The following TNFAIP8 variants were observed in gnomAD, a reference collection of about 807,000 sequenced individuals.
The protein encoded by TNFAIP8 is TNF alpha induced protein 8.
A neutral mutation model predicts 13.3 loss-of-function variants in TNFAIP8; 7 were observed. The ratio of observed to expected loss-of-function variants is 0.52; its 90% confidence interval spans 0.30 to 0.99. TNFAIP8 has a LOEUF of 0.99. Ranked by LOEUF, TNFAIP8 falls within the 50% of genes least tolerant of loss-of-function variation. The pLI is 0.07. For missense variants in TNFAIP8, 258 were observed against 236.9 expected (o/e 1.09, Z -0.58); for synonymous variants, 94 against 87.6 (o/e 1.07, Z -0.41).
At chr5:119,291,080 T>C (rs185393164) in intron 1 of TNFAIP8, among the ~76,000 whole-genome samples, 21 of 152,360 alleles carry the variant, frequency 1.4e-4, no homozygotes, top group African/African-American at 5.1e-4. Flanking sequence ...CCCTTCTCGT[T>C]TGTTTCCAGT....
chr5:119,338,186 A>ACACACC (rs1227946973), intron 1 of TNFAIP8, among the ~76,000 whole-genome samples: 1 of 147,610 alleles, frequency 6.8e-6, no homozygotes, highest in East Asian at 1.9e-4. Context: ...ACACACACAC[A>ACACACC]CACACACACA....
chr5:119,391,759 CA>C (rs1189646198), intron 1 of TNFAIP8, among the ~76,000 whole-genome samples: 25,524 of 79,554 alleles, frequency 0.32, 1,874 homozygotes, highest in Middle Eastern at 0.35. Context: ...AACTCCGTCT[CA>C]AAAAAAAAAA....
In TNFAIP8 at chr5:119,310,626, G is replaced by A. The variant is rs750324395; in HGVS notation, c.1+41719G>A. On this transcript the variant is annotated intron_variant, in intron 1 of 1. Transcript: ENST00000274456. Reference sequence around the variant, plus strand: ...GAGGCAGGTAGATCACTTGAGGTCAGGAGTTTGACACCATCCTGGCTAATA... The same window carrying A: ...GAGGCAGGTAGATCACTTGAGGTCAAGAGTTTGACACCATCCTGGCTAATA... 1.2e-3 allele frequency among the ~76,000 whole-genome samples: 188 copies of A among 152,248 alleles called. 1 individual carries two copies. The highest frequency in any genetic ancestry group is 1.5e-3 in the South Asian group (7 of 4,824).
chr5:119,313,470 C>T (rs1749794452), intron 1 of TNFAIP8, among the ~76,000 whole-genome samples: 1 of 152,176 alleles, frequency 6.6e-6, no homozygotes, highest in Non-Finnish European at 1.5e-5. Flanking sequence ...ACCCCCAAAT[C>T]CAGAGATGTT....
chr5:119,293,083 CAACT>C (rs1364216100), intron 1 of TNFAIP8, among the ~76,000 whole-genome samples: 1 of 151,888 alleles, frequency 6.6e-6, no homozygotes, highest in Non-Finnish European at 1.5e-5. Flanking sequence ...CTTTAATTGA[CAACT>C]AAAAACTGTA....
Position 119,317,171 on chromosome 5 carries a change from G to T in TNFAIP8, c.1+48264G>T, listed in dbSNP as rs547055037. 2.6e-5 allele frequency among the ~76,000 whole-genome samples: 4 copies of T among 152,318 alleles called. No individual in the cohort carries two copies. In the East Asian group the frequency reaches 7.7e-4, roughly 29 times the overall value. ...TCATGGAGGCCTGTCCTTGTGGCTG[G>T]TGCACCTCCTGGTTCCGATTTCTTG... On this transcript the variant is annotated intron_variant, in intron 1 of 1. Coordinates refer to the TNFAIP8 transcript ENST00000274456.
intron 1 of TNFAIP8, among the ~76,000 whole-genome samples, chr5:119,343,961 A>G (rs1354559782): frequency 3.3e-5 from 5 of 152,212 alleles, no homozygotes; most frequent in African/African-American, 1.2e-4. Context: ...TTCCTTTTCA[A>G]ACCACTCATA....
intron 1 of TNFAIP8, among the ~76,000 whole-genome samples, chr5:119,292,645 CATATATATATATAT>C (rs56896742): frequency 0.17 from 5,641 of 32,850 alleles, 795 homozygotes; most frequent in African/African-American, 0.31. Flanking sequence ...ATCAATGTAG[CATATATATATATAT>C]ATATATATAT....
At chr5:119,371,996 G>T (rs1000518246) in intron 1 of TNFAIP8, among the ~76,000 whole-genome samples, 1 of 152,024 alleles carries the variant, frequency 6.6e-6, no homozygotes, top group Admixed American at 6.6e-5. Flanking sequence ...AATTAGCCGG[G>T]CGTGGTGGCG....
chr5:119,340,675 G>C (rs1239468891), intron 1 of TNFAIP8, among the ~76,000 whole-genome samples: 1 of 152,148 alleles, frequency 6.6e-6, no homozygotes, highest in East Asian at 1.9e-4. Context: ...GCTGAGGTGG[G>C]GGTAGGGGTG....
intron 1 of TNFAIP8, among the ~76,000 whole-genome samples, chr5:119,297,487 C>G (rs899948595): frequency 6.6e-6 from 1 of 152,202 alleles, no homozygotes; most frequent in South Asian, 2.1e-4. Flanking sequence ...GTTATAATTT[C>G]TGTTCTTTTA....
chr5:119,333,330 C>T, intron 1 of TNFAIP8: 2 of 1,262,300 alleles, frequency 1.6e-6, no homozygotes, highest in Non-Finnish European at 2.0e-6. Flanking sequence ...CTAATGCATT[C>T]CACTACAAGT....
intron 1 of TNFAIP8, among the ~76,000 whole-genome samples, chr5:119,331,419 C>T (rs529752191): frequency 2.6e-5 from 4 of 152,104 alleles, no homozygotes; most frequent in Admixed American, 1.3e-4. Flanking sequence ...TGAATAGATC[C>T]GGGGATATCT....
chr5:119,299,338 AG>A (rs1414072745), intron 1 of TNFAIP8, among the ~76,000 whole-genome samples: 1 of 152,186 alleles, frequency 6.6e-6, no homozygotes, highest in Non-Finnish European at 1.5e-5. Flanking sequence ...CAGGACCCTC[AG>A]CTGCAGGTCT....
intron 1 of TNFAIP8, among the ~76,000 whole-genome samples, chr5:119,360,293 G>T (rs1239624437): frequency 1.3e-5 from 2 of 152,174 alleles, no homozygotes; most frequent in Non-Finnish European, 2.9e-5. Context: ...GAACACTGCA[G>T]AATTGCTGGA....
chr5:119,365,718 C>T (rs1032101061), intron 1 of TNFAIP8, among the ~76,000 whole-genome samples: 3 of 152,128 alleles, frequency 2.0e-5, no homozygotes, highest in Non-Finnish European at 4.4e-5. Flanking sequence ...ACCATTTTCA[C>T]CTTTCAAGGA....
In TNFAIP8 at chr5:119,396,296, A is replaced by G. The variant is rs1351522649; in HGVS notation, c.*2915A>G. 2.0e-5 allele frequency: 3 copies of G among 152,228 alleles called. No homozygotes were observed. The highest frequency in any genetic ancestry group is 7.2e-5 in the African/African-American group (3 of 41,450). 9.4% of individuals were successfully genotyped at this position (152,228 alleles called of 1,614,324 possible). The stretch of plus-strand genomic sequence containing the variant: ...TCAGCACAGGTCTGGCCTGTTCTCT[A>G]AAGATCTGTGTAGATGTTGTACAAA... On this transcript the variant is annotated 3_prime_UTR_variant, in exon 2 of 2. Transcript: ENST00000504771.
chr5:119,326,317 G>C (rs1581606698), intron 1 of TNFAIP8, among the ~76,000 whole-genome samples: 1 of 152,346 alleles, frequency 6.6e-6, no homozygotes, highest in South Asian at 2.1e-4. Flanking sequence ...GGAGATGCAG[G>C]AGTGGGAGCA....
At chr5:119,333,405 C>T in intron 1 of TNFAIP8, 1 of 1,352,838 alleles carries the variant, frequency 7.4e-7, no homozygotes, top group Non-Finnish European at 9.5e-7. Flanking sequence ...TTGACCAGTG[C>T]CTTCTGTGCA....
Sources: gnomAD v4.1 joint callset for allele counts (sites outside exome capture counted in the v4.1 genomes callset) on GRCh38, gnomAD v4.1.1 for gene constraint, MANE v1.5 for transcripts, NCBI Gene and HGNC (gene_info 2026-07-23, HGNC 2026-07-21) for gene names.